The following RIGI variants were observed in gnomAD, a reference collection of about 807,000 sequenced individuals.
The protein encoded by RIGI is RNA sensor RIG-I.
At chr9:32,459,832 GA>G in the RIGI span, among the ~76,000 whole-genome samples, 1 of 151,568 alleles carries the variant, frequency 6.6e-6, no homozygotes, top group African/African-American at 2.4e-5. Flanking sequence ...CAAAACTTGG[GA>G]AAAAAAACAA....
chr9:32,461,037 G>T, the RIGI span, among the ~76,000 whole-genome samples: 3,880 of 76,858 alleles, frequency 0.05, 164 homozygotes, highest in African/African-American at 0.14. Context: ...AATCTTGAAA[G>T]CAGCCAGAAA....
the RIGI span, chr9:32,501,046 A>C: frequency 7.5e-7 from 1 of 1,337,146 alleles, no homozygotes; most frequent in Non-Finnish European, 1.0e-6. Flanking sequence ...CAGGAATTGT[A>C]CCAAGTCACA....
At chr9:32,466,271 A>G in the RIGI span, 1 of 1,611,708 alleles carries the variant, frequency 6.2e-7, no homozygotes, top group Admixed American at 1.7e-5. Context: ...CAGATGCTGG[A>G]AGAATAACGT....
chr9:32,471,561 G>A, the RIGI span, among the ~76,000 whole-genome samples: 3 of 152,212 alleles, frequency 2.0e-5, no homozygotes. Context: ...TGAGTATGAT[G>A]AGCACAGAAA....
chr9:32,525,433 G>A, the RIGI span, among the ~76,000 whole-genome samples: 1 of 152,110 alleles, frequency 6.6e-6, no homozygotes, highest in Non-Finnish European at 1.5e-5. Flanking sequence ...AGAAGCCTCT[G>A]CTCATCTCCA....
chr9:32,503,542 A>G, the RIGI span, among the ~76,000 whole-genome samples: 1 of 152,120 alleles, frequency 6.6e-6, no homozygotes, highest in Non-Finnish European at 1.5e-5. Flanking sequence ...ACTACTGACT[A>G]AAGTACTTAC....
chr9:32,472,857 T>C, the RIGI span: 1 of 511,752 alleles, frequency 2.0e-6, no homozygotes, highest in Non-Finnish European at 2.9e-6. Context: ...ACTTGAAATA[T>C]ATATTAAAAC....
At chr9:32,504,806 TATATAAAATATATTTAATACATAAA>T in the RIGI span, among the ~76,000 whole-genome samples, 1 of 134,874 alleles carries the variant, frequency 7.4e-6, no homozygotes, top group South Asian at 2.2e-4. Context: ...ATACATAAAA[TATATAAAATATATTTAATACATAAA>T]ATATATAAAA....
the RIGI span, among the ~76,000 whole-genome samples, chr9:32,499,180 T>C: frequency 6.6e-6 from 1 of 151,924 alleles, no homozygotes; most frequent in Non-Finnish European, 1.5e-5. Flanking sequence ...ATTGAAATGT[T>C]TGTCCAAATT....
At chr9:32,493,863 T>G in the RIGI span, 1 of 1,611,086 alleles carries the variant, frequency 6.2e-7, no homozygotes, top group Non-Finnish European at 8.5e-7. Flanking sequence ...GTAAACGTTT[T>G]AAAAGTAATC....
chr9:32,488,829 T>C, the RIGI span: 1 of 1,613,332 alleles, frequency 6.2e-7, no homozygotes, highest in South Asian at 1.1e-5. Flanking sequence ...TTTGTCCTTG[T>C]GGGAATTTTT....
At chr9:32,474,093 T>C in the RIGI span, among the ~76,000 whole-genome samples, 2 of 145,910 alleles carry the variant, frequency 1.4e-5, no homozygotes, top group South Asian at 2.2e-4. Flanking sequence ...TCCCAGCTAC[T>C]GGGGAGGCTG....
the RIGI span, among the ~76,000 whole-genome samples, chr9:32,459,072 A>G: frequency 3.3e-5 from 5 of 152,158 alleles, no homozygotes; most frequent in African/African-American, 7.2e-5. Context: ...TATTTTTAGT[A>G]GAGACGGGGT....
At chr9:32,480,001 CCTT>C in the RIGI span, among the ~76,000 whole-genome samples, 1 of 152,060 alleles carries the variant, frequency 6.6e-6, no homozygotes, top group Non-Finnish European at 1.5e-5. Context: ...TCTTGTTTTT[CCTT>C]CTTCTAAATA....
chr9:32,520,262 C>A, the RIGI span, among the ~76,000 whole-genome samples: 1 of 151,796 alleles, frequency 6.6e-6, no homozygotes, highest in African/African-American at 2.4e-5. Context: ...AGTAACCTAA[C>A]CACTTTAATA....
the RIGI span, among the ~76,000 whole-genome samples, chr9:32,510,670 C>G: frequency 6.6e-6 from 1 of 152,176 alleles, no homozygotes. Flanking sequence ...TATGAAGAAA[C>G]TGCATCAACT....
chr9:32,483,318 C>G, the RIGI span, among the ~76,000 whole-genome samples: 1 of 152,136 alleles, frequency 6.6e-6, no homozygotes, highest in Non-Finnish European at 1.5e-5. Context: ...CAAGTTGCAG[C>G]TACAGCGAGG....
chr9:32,511,398 C>T, the RIGI span, among the ~76,000 whole-genome samples: 2 of 152,136 alleles, frequency 1.3e-5, no homozygotes, highest in Non-Finnish European at 1.5e-5. Flanking sequence ...GAACACAGTG[C>T]AATCAAATTA....
chr9:32,478,558 T>C, the RIGI span, among the ~76,000 whole-genome samples: 5 of 152,100 alleles, frequency 3.3e-5, no homozygotes, highest in African/African-American at 1.2e-4. Context: ...ATCAGTGCTT[T>C]ATTGATTGAC....
Sources: gnomAD v4.1 joint callset for allele counts (sites outside exome capture counted in the v4.1 genomes callset) on GRCh38, gnomAD v4.1.1 for gene constraint, MANE v1.5 for transcripts, NCBI Gene and HGNC (gene_info 2026-07-23, HGNC 2026-07-21) for gene names.